The following PHLDB2 variants were observed in gnomAD, a reference collection of about 807,000 sequenced individuals.
The protein encoded by PHLDB2 is pleckstrin homology like domain family B member 2, also known as pleckstrin homology-like domain family B member 2.
PHLDB2 carries 71 observed loss-of-function variants against 123.6 expected under a neutral mutation model. The observed-to-expected ratio is 0.57, with a 90% confidence interval of 0.47 to 0.70. The LOEUF (loss-of-function observed/expected upper bound fraction) is 0.70. Ranked by LOEUF, PHLDB2 falls within the 30% of genes least tolerant of loss-of-function variation. The pLI, the probability that PHLDB2 is intolerant of heterozygous loss-of-function variation, is 0.00. For synonymous variants in PHLDB2, 547 were observed against 541.6 expected, an observed-to-expected ratio of 1.01 and a Z score of -0.14; for missense variants, 1,446 against 1,519.5, an observed-to-expected ratio of 0.95 and a Z score of 0.80.
chr3:111,857,404 C>G (rs1352507095), upstream of PHLDB2, among the ~76,000 whole-genome samples: 4 of 147,754 alleles, frequency 2.7e-5, no homozygotes, highest in African/African-American at 7.5e-5. Context: ...TGAGCTATGA[C>G]TGTGCCATTG....
chr3:111,771,483 G>A (rs1477818976), intron 1 of PHLDB2, among the ~76,000 whole-genome samples: 1 of 151,994 alleles, frequency 6.6e-6, no homozygotes, highest in Non-Finnish European at 1.5e-5. Flanking sequence ...CTGACTACAG[G>A]TGTGTGCCAC....
intron 1 of PHLDB2, among the ~76,000 whole-genome samples, chr3:111,744,119 C>T (rs2059646129): frequency 6.6e-6 from 1 of 151,944 alleles, no homozygotes; most frequent in African/African-American, 2.4e-5. Flanking sequence ...CAATAATAGC[C>T]CAGTAAAAAG....
At chr3:111,853,888 A>T (rs1657506607) in intron 2 of PHLDB2, among the ~76,000 whole-genome samples, 1 of 150,948 alleles carries the variant, frequency 6.6e-6, no homozygotes, top group Non-Finnish European at 1.5e-5. Flanking sequence ...AAAAAAAAAT[A>T]GTTCTTACTT....
rs1187558576 is a variant in PHLDB2 at position 111,905,096 on chromosome 3, T to C, written c.1336-8223T>C. On this transcript the variant is annotated intron_variant, in intron 2 of 17. Transcript: ENST00000431670. ...GTCTCTCTGTGCCTCACTTTCCTTA[T>C]CTGTTAAATGGGGATTAGAATAAAA... 2.0e-5 allele frequency among the ~76,000 whole-genome samples: 3 copies of C among 152,302 alleles called. No individual in the cohort carries two copies. In the East Asian group the frequency reaches 5.8e-4, roughly 29 times the overall value.
Position 111,743,807 on chromosome 3 carries a change from G to A in PHLDB2, c.-49+11104G>A, listed in dbSNP as rs192092527. 1.3e-4 allele frequency among the ~76,000 whole-genome samples: 20 copies of A among 152,284 alleles called. 1 individual carries two copies. The highest frequency in any genetic ancestry group is 4.3e-4 in the African/African-American group (18 of 41,570). On this transcript the variant is annotated intron_variant, in intron 1 of 17. Coordinates refer to the PHLDB2 transcript ENST00000393923. ...TTTCATCATCTTAAGCAATTTGCCT[G>A]TTTCCTGAAGTAGGGCTAACAAGAT...
At chr3:111,958,191 T>C in intron 12 of PHLDB2, 2 of 864,602 alleles carry the variant, frequency 2.3e-6, no homozygotes, top group Non-Finnish European at 2.8e-6. Context: ...TGATCTTGTA[T>C]CTTTTTCCCT....
At chr3:111,895,629 C>T (rs1169820200) in intron 2 of PHLDB2, among the ~76,000 whole-genome samples, 1 of 152,194 alleles carries the variant, frequency 6.6e-6, no homozygotes, top group Non-Finnish European at 1.5e-5. Context: ...AGGTAGATCA[C>T]CTGCGGTCAG....
intron 1 of PHLDB2, among the ~76,000 whole-genome samples, chr3:111,805,304 T>C (rs2061531298): frequency 6.6e-6 from 1 of 152,162 alleles, no homozygotes; most frequent in African/African-American, 2.4e-5. Context: ...CTCAAGCCTG[T>C]AATCCCAGCA....
At chr3:111,817,028 G>A (rs2062110873) in intron 1 of PHLDB2, among the ~76,000 whole-genome samples, 1 of 152,146 alleles carries the variant, frequency 6.6e-6, no homozygotes, top group South Asian at 2.1e-4. Context: ...GACATGACAT[G>A]CTCCTCCTTG....
At chr3:111,757,158 T>C (rs1405251417) in intron 1 of PHLDB2, among the ~76,000 whole-genome samples, 7 of 152,206 alleles carry the variant, frequency 4.6e-5, no homozygotes, top group Non-Finnish European at 7.3e-5. Context: ...AGTATCTTTG[T>C]GGAGTTCTCT....
At chr3:111,928,576 T>C (rs1014875047) in intron 5 of PHLDB2, among the ~76,000 whole-genome samples, 3 of 152,204 alleles carry the variant, frequency 2.0e-5, no homozygotes, top group Non-Finnish European at 2.9e-5. Context: ...CTCTTTTCTT[T>C]CCTCTCCTCT....
chr3:111,788,979 G>A lies in PHLDB2; in HGVS notation c.-49+56276G>A, dbSNP rs146153699. Among the ~76,000 whole-genome samples the A allele has an allele frequency of 1.1e-4, 16 of 152,332 alleles. No individual in the cohort carries two copies. In the East Asian group the frequency reaches 2.9e-3, roughly 28 times the overall value. On this transcript the variant is annotated intron_variant, in intron 1 of 17. Transcript: ENST00000393923. The stretch of plus-strand genomic sequence containing the variant: ...TGTTGGCAGAGGAAAAACATTGCAA[G>A]ATCGTGGGTAGAGAAATGAAACGAT...
chr3:111,886,146 A>G (rs1350949582), intron 2 of PHLDB2, among the ~76,000 whole-genome samples: 1 of 152,254 alleles, frequency 6.6e-6, no homozygotes, highest in Non-Finnish European at 1.5e-5. Flanking sequence ...TTCTCTTAGA[A>G]TGAATATCTG....
intron 2 of PHLDB2, among the ~76,000 whole-genome samples, chr3:111,886,703 A>G (rs937725375): frequency 6.6e-6 from 1 of 152,236 alleles, no homozygotes; most frequent in Non-Finnish European, 1.5e-5. Flanking sequence ...GACAATAGTG[A>G]ATGAAAACAA....
At chr3:111,970,260 A>G (rs912783760) in intron 16 of PHLDB2, among the ~76,000 whole-genome samples, 2 of 152,196 alleles carry the variant, frequency 1.3e-5, no homozygotes, top group African/African-American at 4.8e-5. Flanking sequence ...TATTTAGGTA[A>G]CAAATTGTTT....
chr3:111,775,565 T>C (rs967817149), intron 1 of PHLDB2, among the ~76,000 whole-genome samples: 5 of 152,212 alleles, frequency 3.3e-5, no homozygotes, highest in African/African-American at 1.2e-4. Context: ...TTTTTGGTCA[T>C]CCTTCCTAGA....
At chr3:111,828,589 G>A (rs1484139046) in intron 1 of PHLDB2, among the ~76,000 whole-genome samples, 1 of 152,112 alleles carries the variant, frequency 6.6e-6, no homozygotes, top group African/African-American at 2.4e-5. Flanking sequence ...CCAGGAGTTC[G>A]AGACCAGACT....
intron 1 of PHLDB2, among the ~76,000 whole-genome samples, chr3:111,756,903 T>C (rs1480949615): frequency 6.6e-6 from 1 of 152,098 alleles, no homozygotes; most frequent in Non-Finnish European, 1.5e-5. Flanking sequence ...CTCCTTCACT[T>C]ATGAAGCTTA....
At chr3:111,844,517 C>T (rs2063853090) in intron 1 of PHLDB2, among the ~76,000 whole-genome samples, 1 of 152,182 alleles carries the variant, frequency 6.6e-6, no homozygotes, top group Non-Finnish European at 1.5e-5. Flanking sequence ...TTGTACCTCT[C>T]AGGTATATCA....
Sources: gnomAD v4.1 joint callset for allele counts (sites outside exome capture counted in the v4.1 genomes callset) on GRCh38, gnomAD v4.1.1 for gene constraint, MANE v1.5 for transcripts, NCBI Gene and HGNC (gene_info 2026-07-23, HGNC 2026-07-21) for gene names.